Variants in ATP7B observed in about 807,000 individuals in gnomAD.
ATP7B encodes copper-transporting ATPase 2.
Under a neutral mutation model 118.9 loss-of-function variants are expected in ATP7B, and 113 were observed. The ratio of observed to expected loss-of-function variants is 0.95; its 90% CI spans 0.82 to 1.11. The LOEUF (loss-of-function observed/expected upper bound fraction) is 1.11. Ranked by LOEUF, ATP7B falls within the 50% of genes most tolerant of loss-of-function variation. The pLI is 0.00. For missense variants in ATP7B, 1,867 were observed against 1,871.4 expected (o/e 1.00, Z 0.04); for synonymous variants, 777 against 727.4 (o/e 1.07, Z -1.10).
chr13:51,941,259 T>C (rs531370978), intron 15 of ATP7B, 35 bp from the exon 16 acceptor site: 8 of 1,612,238 alleles, frequency 5.0e-6, no homozygotes, highest in African/African-American at 4.0e-5. Context: ...TTCTAAATGG[T>C]CCAATTTCAC....
chr13:51,992,634 A>C (rs192460551), intron 1 of ATP7B, among the ~76,000 whole-genome samples: 1,692 of 152,242 alleles, frequency 0.011, 9 homozygotes, highest in African/African-American at 0.023. Context: ...AGGATAACTA[A>C]ATTCTTTCTA....
rs372979339 is a variant in ATP7B, at chr13:51,958,374, G to A, written c.2292C>T (p.Phe764=). The change falls in exon 8 of 21, where the codon TTC becomes TTT. Residue 764 remains phenylalanine (F), a synonymous_variant. Transcript: ENST00000242839. ...ACACAAAGAGCATGGGGGGCGTGTC[G>A]AAGAATGTCACAGGGCTCCTCTCCG... ...EKAERSPVTF[F]DTPPMLFVFI... 14 of 1,614,048 alleles carry A rather than the reference G, an allele frequency of 8.7e-6. No individual in the cohort carries two copies. Among genetic ancestry groups the A allele is most frequent in the South Asian group, 3.3e-5 (3 of 91,082 alleles).
In ATP7B at chr13:51,964,867, C is replaced by T. The variant is rs1951463763; in HGVS notation, c.1869+5G>A. On this transcript the variant is annotated splice_donor_5th_base_variant and intron_variant, in intron 5 of 20. Transcript: ENST00000242839. ...GTGACTACAATTTTTTAATGAATTA[C>T]TTACCTCAATAATTTTGATAATATC... 1.2e-6 allele frequency: 2 copies of T among 1,613,452 alleles called. No homozygotes were observed. Among genetic ancestry groups the T allele is most frequent in the African/African-American group, 2.7e-5 (2 of 74,878 alleles).
At position 52,008,117 on chromosome 13, in the gene ATP7B, G is replaced by A. The variant is rs999384342; in HGVS notation, c.51+3170C>T. On this transcript the variant is annotated intron_variant, in intron 1 of 20. Coordinates refer to ENST00000242839, the MANE Select transcript of ATP7B (RefSeq NM_000053.4). ...AACACTTTGGGAGGCCGAGGTGGGC[G>A]GATCACGAGATCAAGAGATAGAGAT... Among the ~76,000 whole-genome samples the A allele has an allele frequency of 1.4e-4, 22 of 152,098 alleles. 1 individual carries two copies. Among genetic ancestry groups the A allele is most frequent in the Admixed American group, 7.9e-4 (12 of 15,276 alleles).
At chr13:51,994,425 G>A (rs1052242979) in intron 1 of ATP7B, among the ~76,000 whole-genome samples, 2 of 152,082 alleles carry the variant, frequency 1.3e-5, no homozygotes, top group Non-Finnish European at 2.9e-5. Context: ...ATTTGCCTAG[G>A]AAAAAACTTT....
intron 1 of ATP7B, among the ~76,000 whole-genome samples, chr13:51,979,885 C>T (rs964968541): frequency 6.6e-6 from 1 of 152,164 alleles, no homozygotes; most frequent in African/African-American, 2.4e-5. Flanking sequence ...CTCAGAGGCC[C>T]CCCTTTCTAG....
At chr13:51,977,854 T>C (rs1952204938) in intron 1 of ATP7B, among the ~76,000 whole-genome samples, 1 of 152,212 alleles carries the variant, frequency 6.6e-6, no homozygotes, top group African/African-American at 2.4e-5. Context: ...ATGGGACCAG[T>C]GTCATATGTG....
At chr13:51,987,197 A>G (rs1047220599) in intron 1 of ATP7B, among the ~76,000 whole-genome samples, 1 of 152,256 alleles carries the variant, frequency 6.6e-6, no homozygotes, top group Admixed American at 6.5e-5. Context: ...AATCTCCTTA[A>G]GCTGATAAGC....
Position 51,949,989 on chromosome 13 carries a change from T to TA in ATP7B, c.2730+17dup, listed in dbSNP as rs1390500196. 6.2e-7 allele frequency: 1 copy of TA among 1,614,102 alleles called. No homozygotes were observed. The highest frequency in any genetic ancestry group is 1.3e-5 in the African/African-American group (1 of 74,944). On this transcript the variant is annotated intron_variant, in intron 11 of 20. Coordinates refer to ENST00000242839, the MANE Select transcript of ATP7B (RefSeq NM_000053.4). ...AAAACGAGAAAGATGAAGTTAGTTT[T>TA]AAAAATTTCTTCATTACCTTTGACA...
At position 51,974,966 on chromosome 13, in the gene ATP7B, C is replaced by T; in HGVS notation, c.254G>A (p.Gly85Asp). Residue 85 changes from glycine (G) to aspartate (D), a missense_variant, in exon 2 of 21, where the codon GGC becomes GAC. By Grantham distance (94) the Gly-to-Asp change is moderately conservative. Transcript: ENST00000242839. Reference protein sequence around the residue: ...SIEDRISNLKGIISMKVSLEQ... With the variant: ...SIEDRISNLKDIISMKVSLEQ... ...CAGGGAAACCTTCATGCTGATGATGCCTTTCAAATTGGAAATCCTGTCCTC... is the reference window on the plus strand; with the variant it reads ...CAGGGAAACCTTCATGCTGATGATGTCTTTCAAATTGGAAATCCTGTCCTC... The T allele has an allele frequency of 1.2e-6, 2 of 1,614,206 alleles. No homozygotes were observed. Among genetic ancestry groups the T allele is most frequent in the South Asian group, 1.1e-5 (1 of 91,088 alleles).
At chr13:51,961,342 T>A (rs1958729558) in intron 6 of ATP7B, among the ~76,000 whole-genome samples, 6 of 151,916 alleles carry the variant, frequency 3.9e-5, no homozygotes, top group Admixed American at 3.9e-4. Flanking sequence ...ACTGGCCATC[T>A]GAAATAATGA....
At chr13:51,988,509 G>C (rs1952765122) in intron 1 of ATP7B, among the ~76,000 whole-genome samples, 1 of 152,132 alleles carries the variant, frequency 6.6e-6, no homozygotes, top group Admixed American at 6.5e-5. Context: ...GATTCCTCAA[G>C]GATCTAGAAC....
intron 9 of ATP7B, among the ~76,000 whole-genome samples, chr13:51,953,295 G>C (rs1253585703): frequency 1.3e-5 from 2 of 152,130 alleles, no homozygotes; most frequent in Non-Finnish European, 2.9e-5. Flanking sequence ...AGCCCAAGTC[G>C]GGAGGAGGAG....
rs1954023351 is a variant in ATP7B at position 52,011,286 on chromosome 13, C to CT, written c.51dup (p.Ile18AsnfsTer4). The CT allele has an allele frequency of 8.1e-6, 13 of 1,614,118 alleles. No homozygotes were observed. In the South Asian group the frequency reaches 8.8e-5, roughly 11 times the overall value. On this transcript the variant is annotated frameshift_variant and splice_region_variant. Coordinates refer to ENST00000242839, the MANE Select transcript of ATP7B (RefSeq NM_000053.4). LOFTEE classifies it high-confidence loss of function. ...CGCGGACGCGGGGGAACAAAACTCA[C>CT]TTTCCGACTGGCCCCTTCTCTGGCT...
At chr13:51,973,711 A>C (rs1048639822) in intron 2 of ATP7B, among the ~76,000 whole-genome samples, 1 of 152,240 alleles carries the variant, frequency 6.6e-6, no homozygotes, top group African/African-American at 2.4e-5. Context: ...CACAAAACAG[A>C]CTAATACAAA....
At chr13:51,957,296 C>T (rs1412836926) in intron 9 of ATP7B, among the ~76,000 whole-genome samples, 3 of 152,166 alleles carry the variant, frequency 2.0e-5, no homozygotes, top group African/African-American at 7.2e-5. Flanking sequence ...ATCATCTACA[C>T]CTCCCATGTG....
At chr13:51,948,713 A>C (rs1449331782) in intron 12 of ATP7B, among the ~76,000 whole-genome samples, 2 of 152,082 alleles carry the variant, frequency 1.3e-5, no homozygotes, top group Non-Finnish European at 2.9e-5. Context: ...TATAGCTTTT[A>C]TTCCTCAAGC....
At chr13:51,963,778 A>C (rs1275848533) in intron 5 of ATP7B, among the ~76,000 whole-genome samples, 2 of 148,822 alleles carry the variant, frequency 1.3e-5, no homozygotes, top group African/African-American at 5.0e-5. Context: ...GGCCGGGCAC[A>C]GTGGCTCACA....
chr13:51,957,413 A>G, intron 9 of ATP7B, 103 bp downstream of exon 9: 1 of 1,194,038 alleles, frequency 8.4e-7, no homozygotes, highest in Non-Finnish European at 1.2e-6. Context: ...CTCTGCCCAC[A>G]CTCACAAGGT....
Sources: allele counts gnomAD v4.1 joint callset (sites outside exome capture counted in the v4.1 genomes callset), GRCh38; gene constraint gnomAD v4.1.1; transcripts MANE v1.5; gene names NCBI Gene and HGNC (gene_info 2026-07-23, HGNC 2026-07-21).